The following PSG5 variants were observed in gnomAD, a reference collection of about 807,000 sequenced individuals.
PSG5 encodes pregnancy specific beta-1-glycoprotein 5.
PSG5 carries 53 observed loss-of-function variants against 37.7 expected under a neutral mutation model. The ratio of observed to expected loss-of-function variants is 1.41; its 90% CI spans 1.13 to 1.77. PSG5 has a LOEUF of 1.77. PSG5 is among the 40% of genes most tolerant of loss of function. The probability of loss-of-function intolerance (pLI) is 0.00; values close to 1 mark genes in which losing one functional copy is unlikely to be tolerated. For synonymous variants in PSG5, 221 were observed against 155.4 expected (o/e 1.42, Z -3.14); for missense variants, 547 against 405.2 (o/e 1.35, Z -3.00).
intron 2 of PSG5, among the ~76,000 whole-genome samples, chr19:43,179,946 G>C (rs970958515): frequency 6.6e-6 from 1 of 151,778 alleles, no homozygotes; most frequent in African/African-American, 2.4e-5. Flanking sequence ...GGATCTTCTA[G>C]AAATACATGT....
At chr19:43,174,478 C>A (rs1968963642) in intron 4 of PSG5, 1 of 762,360 alleles carries the variant, frequency 1.3e-6, no homozygotes, top group African/African-American at 1.9e-5. Flanking sequence ...CAGTCACTAT[C>A]CTCCGTGCTG....
rs1031583416 is a variant in PSG5 at position 43,174,630 on chromosome 19, C to T, written c.964+585G>A. ...GGAGGCTTGGCTTCAACTGGCAGCT[C>T]GATTTAGCCAAATTCAGGACAGGCC... On this transcript the variant is annotated intron_variant, in intron 4 of 5. Transcript: ENST00000342951. 74 of 977,298 alleles carry T rather than the reference C, an allele frequency of 7.6e-5. 2 individuals are homozygous for T. The highest frequency in any genetic ancestry group is 8.5e-5 in the Non-Finnish European group (70 of 820,590). 60.5% of individuals were successfully genotyped at this position (977,298 alleles called of 1,614,324 possible). A position where few individuals can be genotyped will look rare whatever the true frequency, so the allele number is the denominator to read the frequency against.
At position 43,175,286 on chromosome 19, in the gene PSG5, A is replaced by C; in HGVS notation, c.893T>G (p.Leu298Arg). ...IPQITTKHRG[L>R]YTCSVRNSAT... ...TGAGTTACGAACAGAGCAAGTATAG[A>C]GCCCTCTATGCTTTGTAGTAATTTG... The change falls in exon 4 of 6, where the codon CTC (leucine) becomes CGC (arginine). Residue 298 changes from leucine (L) to arginine (R), a missense_variant. Coordinates refer to ENST00000342951, the MANE Select transcript of PSG5 (RefSeq NM_002781.4). 1 of 1,612,828 alleles carries C rather than the reference A, an allele frequency of 6.2e-7. No individual in the cohort carries two copies. The highest frequency in any genetic ancestry group is 2.2e-5 in the East Asian group (1 of 44,880).
At chr19:43,178,823 T>C (rs1373025062) in intron 2 of PSG5, 1 of 1,611,356 alleles carries the variant, frequency 6.2e-7, no homozygotes, top group African/African-American at 1.3e-5. Flanking sequence ...GCCTGGCCTC[T>C]GGCCATGTGT....
At chr19:43,172,592 C>A (rs531310836) in intron 4 of PSG5, among the ~76,000 whole-genome samples, 2 of 151,568 alleles carry the variant, frequency 1.3e-5, no homozygotes, top group East Asian at 1.9e-4. Context: ...TAAACATGAA[C>A]AATCTGAAGG....
At chr19:43,178,924 G>T (rs752385875) in intron 2 of PSG5, 9 of 1,612,846 alleles carry the variant, frequency 5.6e-6, no homozygotes, top group African/African-American at 1.3e-5. Context: ...GCACTCACTG[G>T]GTTCCGTATT....
rs536544496 is a variant in PSG5 at position 43,181,665 on chromosome 19, A to T, written c.430+3117T>A. Among the ~76,000 whole-genome samples, 26 of 151,818 alleles carry T rather than the reference A, an allele frequency of 1.7e-4. 2 individuals carry two copies. In the South Asian group the frequency reaches 5.2e-3, roughly 30 times the overall value. ...AGTAGAGACGGAGTTTCAACATGTT[A>T]GCCAGGATGGTCTCCATCTTCTGAC... is the stretch of plus-strand genomic sequence containing the variant. On this transcript the variant is annotated intron_variant, in intron 2 of 5. Transcript: ENST00000342951.
At position 43,180,441 on chromosome 19, in the gene PSG5, G is replaced by A. The variant is rs1969104430; in HGVS notation, c.431-4293C>T. On this transcript the variant is annotated intron_variant, in intron 2 of 5. Transcript: ENST00000342951. ...AATTTAAAATCCACAATGCGCCAGTGAGCACTTCTTTTTAACATCACATCA... is the reference window on the plus strand; with the variant it reads ...AATTTAAAATCCACAATGCGCCAGTAAGCACTTCTTTTTAACATCACATCA... 2.0e-5 allele frequency: 3 copies of A among 151,652 alleles called. No homozygotes were observed. The South Asian group carries it at 6.2e-4, about 31-fold the overall frequency. The allele number at this position is 151,652 out of a possible 1,614,324, so 9.4% of individuals were successfully genotyped here. A position where few individuals can be genotyped will look rare whatever the true frequency, so the allele number is the denominator to read the frequency against.
At chr19:43,175,759 C>A (rs1968994997) in intron 3 of PSG5, 111 bp downstream of exon 3, 1 of 1,548,988 alleles carries the variant, frequency 6.5e-7, no homozygotes, top group East Asian at 2.2e-5. Flanking sequence ...GCTCAGATGT[C>A]CAGAAATAAA....
chr19:43,175,201 T>C lies in PSG5; in HGVS notation c.964+14A>G. On this transcript the variant is annotated intron_variant, in intron 4 of 5. Transcript: ENST00000342951. ...CCTAAAACCCTATTGCCAAGGATGC[T>C]GGGATCCACTTACCAGAGACTTCGA... 1.2e-6 allele frequency: 2 copies of C among 1,612,570 alleles called. No individual in the cohort carries two copies. The highest frequency in any genetic ancestry group is 8.5e-7 in the Non-Finnish European group (1 of 1,179,152).
At chr19:43,180,581 A>C (rs1969107700) in intron 2 of PSG5, 2 of 151,574 alleles carry the variant, frequency 1.3e-5, no homozygotes, top group Admixed American at 1.3e-4. Flanking sequence ...TTTAGACCTC[A>C]TGTTATGTTC....
rs568803249 is a variant in PSG5, at chr19:43,176,689, G to A, written c.431-541C>T. Among the ~76,000 whole-genome samples the A allele has an allele frequency of 2.4e-4, 36 of 150,940 alleles. No individual in the cohort carries two copies. The East Asian group carries it at 5.0e-3, about 21-fold the overall frequency. On this transcript the variant is annotated intron_variant, in intron 2 of 5. Transcript: ENST00000342951. ...CAGAAATAACACAGGAGAGACCAGA[G>A]TCAAGCCTGGAGGTCAGTTCAGTCA...
chr19:43,176,262 G>T (rs558973483), intron 2 of PSG5, 114 bp from the exon 3 acceptor site: 1 of 1,501,382 alleles, frequency 6.7e-7, no homozygotes, highest in African/African-American at 1.4e-5. Context: ...GTCCTTGAAA[G>T]CCAGTAGCTG....
rs1002742679 is a variant in PSG5, at chr19:43,175,807, T to C, written c.709+63A>G. ...TGGACCGGAGAAAGACTGAGAGGAC[T>C]GGCTTGTGGTCATTTAGATTTAAGC... On this transcript the variant is annotated intron_variant, in intron 3 of 5. Transcript: ENST00000342951. 58 of 1,599,380 alleles carry C rather than the reference T, an allele frequency of 3.6e-5. 1 individual carries two copies. Among genetic ancestry groups the C allele is most frequent in the Non-Finnish European group, 4.9e-5 (57 of 1,171,440 alleles).
In PSG5 at chr19:43,172,848, C is replaced by T. The variant is rs572409838; in HGVS notation, c.964+2367G>A. Among the ~76,000 whole-genome samples the T allele has an allele frequency of 4.0e-5, 6 of 151,640 alleles. No individual in the cohort carries two copies. The South Asian group carries it at 1.2e-3, about 31-fold the overall frequency. Reference sequence around the variant, plus strand: ...TTCAATAAAATTCCTGTCAGAATCTCAGTGACATTTTTGCAGAAAAAGACA... The same window carrying T: ...TTCAATAAAATTCCTGTCAGAATCTTAGTGACATTTTTGCAGAAAAAGACA... On this transcript the variant is annotated intron_variant, in intron 4 of 5. Transcript: ENST00000342951.
rs1005121144 is a variant in PSG5, at chr19:43,180,603, A to C, written c.430+4179T>G. On this transcript the variant is annotated intron_variant, in intron 2 of 5. Coordinates refer to ENST00000342951, the MANE Select transcript of PSG5 (RefSeq NM_002781.4). ...CTCATGTTATGTTCTGACTCTAGTA[A>C]CAAAAAAAATTTGGAGGAAACATTA... is the stretch of plus-strand genomic sequence containing the variant. 8.6e-5 allele frequency: 13 copies of C among 151,582 alleles called. 2 individuals are homozygous for C. The highest frequency in any genetic ancestry group is 1.5e-4 in the Non-Finnish European group (10 of 67,900). The allele number at this position is 151,582 out of a possible 1,614,324, so 9.4% of individuals were successfully genotyped here.
chr19:43,179,176 G>A lies in PSG5; in HGVS notation c.431-3028C>T. 3.2e-6 allele frequency: 5 copies of A among 1,579,904 alleles called. No individual in the cohort carries two copies. In the South Asian group the frequency reaches 5.6e-5, roughly 18 times the overall value. ...GTTTCCACTTTGCAGAAAACAGAGA[G>A]AAGATTGCCCTGTGTGGCACCTTTG... On this transcript the variant is annotated intron_variant, in intron 2 of 5. Transcript: ENST00000342951.
chr19:43,179,705 G>A (rs1159581168), intron 2 of PSG5, among the ~76,000 whole-genome samples: 4 of 151,724 alleles, frequency 2.6e-5, no homozygotes, highest in African/African-American at 9.7e-5. Context: ...CAAGCCTGGA[G>A]GTCAGTTCAG....
rs139872039 is a variant in PSG5, at chr19:43,184,991, T to G, written c.221A>C (p.Asp74Ala). The G allele has an allele frequency of 1.2e-4, 198 of 1,612,482 alleles. 4 individuals are homozygous for G. In the African/African-American group the frequency reaches 2.5e-3, roughly 20 times the overall value. Residue 74 changes from aspartate (D) to alanine (A), a missense_variant, in exon 2 of 6, where the codon GAC becomes GCC. Asp to Ala is a moderately radical substitution (Grantham distance 126). Coordinates refer to ENST00000342951, the MANE Select transcript of PSG5 (RefSeq NM_002781.4). ...GYIWYKGQLMDLYHYITSYVV... is the reference protein window; with the variant it reads ...GYIWYKGQLMALYHYITSYVV... ...ATATGATGTAATGTAATGGTAGAGG[T>G]CCATCAGTTGTCCTTTGTACCAGAT...
Sources: allele counts gnomAD v4.1 joint callset (sites outside exome capture counted in the v4.1 genomes callset), GRCh38; gene constraint gnomAD v4.1.1; transcripts MANE v1.5; gene names NCBI Gene and HGNC (gene_info 2026-07-23, HGNC 2026-07-21).